SLC29A4: variants seen among roughly 807,000 people sequenced by gnomAD.
SLC29A4 encodes the protein equilibrative nucleoside transporter 4.
SLC29A4 carries 36 observed loss-of-function variants against 43.9 expected under a neutral mutation model. The observed-to-expected ratio is 0.82, with a 90% CI of 0.63 to 1.08. The LOEUF (loss-of-function observed/expected upper bound fraction) is 1.08, where lower values mean the gene tolerates loss of function less well. SLC29A4 is among the 50% of genes least tolerant of loss of function. The pLI is 0.00. For synonymous variants in SLC29A4, 491 were observed against 338.0 expected (o/e 1.45, Z -4.97); for missense variants, 869 against 755.3 (o/e 1.15, Z -1.77).
chr7:5,289,031 C>G (rs1785140829), intron 2 of SLC29A4, among the ~76,000 whole-genome samples: 1 of 152,174 alleles, frequency 6.6e-6, no homozygotes, highest in Admixed American at 6.5e-5. Context: ...GTCCCTGGCA[C>G]TCAGGAGGCA....
At chr7:5,297,598 C>T (rs113305157) in intron 7 of SLC29A4, among the ~76,000 whole-genome samples, 2,579 of 152,360 alleles carry the variant, frequency 0.017, 79 homozygotes, top group African/African-American at 0.059. Flanking sequence ...GTTGGAGAGT[C>T]CTCCTGCAGG....
chr7:5,294,772 G>A (rs1377780499), intron 5 of SLC29A4, 88 bp from the exon 6 acceptor site: 37 of 1,379,062 alleles, frequency 2.7e-5, no homozygotes, highest in Middle Eastern at 3.8e-4. Context: ...ACGCACCCTC[G>A]TCCACCAACA....
chr7:5,299,151 C>T (rs1282625441), intron 8 of SLC29A4, 25 bp downstream of exon 8: 6 of 1,602,148 alleles, frequency 3.7e-6, no homozygotes, highest in Non-Finnish European at 4.3e-6. Context: ...TCCTCTGCTG[C>T]CCTGGCTCTG....
intron 7 of SLC29A4, 61 bp from the exon 8 acceptor site, chr7:5,298,927 T>C: frequency 5.1e-6 from 8 of 1,560,890 alleles, no homozygotes; most frequent in Non-Finnish European, 6.9e-6. Flanking sequence ...CCTGGATTCC[T>C]GGCCCGTGTC....
At chr7:5,301,385 G>A (rs1352369889) in intron 10 of SLC29A4, among the ~76,000 whole-genome samples, 1 of 152,190 alleles carries the variant, frequency 6.6e-6, no homozygotes, top group African/African-American at 2.4e-5. Flanking sequence ...AGCCAGCAGT[G>A]TAAATGGAGC....
Position 5,287,939 on chromosome 7 carries a change from G to A in SLC29A4, c.123G>A (p.Gln41=), listed in dbSNP as rs1204714067. ...TGGAGGAGGCGGCGGAGGCGGCTCA[G>A]GGCCAGGGCCTTAGGGCCAGGGGCG... is the stretch of plus-strand genomic sequence containing the variant. The part of the protein sequence containing the change: ...HQLEEAAEAA[Q]GQGLRARGVP... The change falls in exon 2 of 11, where the codon CAG becomes CAA. Residue 41 remains glutamine, a synonymous_variant. Coordinates refer to ENST00000396872, the MANE Select transcript of SLC29A4 (RefSeq NM_153247.4). 2 of 1,611,420 alleles carry A rather than the reference G, an allele frequency of 1.2e-6. No homozygotes were observed. The highest frequency in any genetic ancestry group is 1.7e-6 in the Non-Finnish European group (2 of 1,179,658).
rs1278423299 is a variant in SLC29A4, at chr7:5,290,750, C to T, written c.188C>T (p.Pro63Leu). The T allele has an allele frequency of 1.2e-6, 2 of 1,612,752 alleles. No individual in the cohort carries two copies. Among genetic ancestry groups the T allele is most frequent in the East Asian group, 4.5e-5 (2 of 44,834 alleles). Residue 63 changes from proline (P) to leucine (L), a missense_variant, in exon 3 of 11, where the codon CCC (proline) becomes CTC (leucine). Physicochemically the swap from Pro to Leu is moderately conservative, Grantham distance 98. Coordinates refer to ENST00000396872, the MANE Select transcript of SLC29A4 (RefSeq NM_153247.4). ...GCTTTAGCATTGGACGAGCCAGTGC[C>T]CGATGACCGTTATCACGCCATCTAC... Reference protein sequence around the residue: ...FTDTTLDEPVPDDRYHAIYFA... With the variant: ...FTDTTLDEPVLDDRYHAIYFA...
chr7:5,301,409 C>T (rs1187324534), intron 10 of SLC29A4, among the ~76,000 whole-genome samples: 1 of 152,170 alleles, frequency 6.6e-6, no homozygotes, highest in East Asian at 1.9e-4. Flanking sequence ...CTGGGAAGAC[C>T]TCACTGAGGA....
intron 4 of SLC29A4, 80 bp downstream of exon 4, chr7:5,291,317 C>G (rs971029407): frequency 4.6e-6 from 6 of 1,297,308 alleles, no homozygotes; most frequent in Non-Finnish European, 6.5e-6. Flanking sequence ...CCCAGTTTCC[C>G]TGAGCCTCAC....
At chr7:5,286,554 T>C (rs1364929403) in intron 1 of SLC29A4, among the ~76,000 whole-genome samples, 2 of 149,762 alleles carry the variant, frequency 1.3e-5, no homozygotes, top group African/African-American at 4.9e-5. Flanking sequence ...AAAAAATCAT[T>C]TTAGGGGAAA....
At chr7:5,299,177 G>A in intron 8 of SLC29A4, 51 bp downstream of exon 8, 1 of 1,599,210 alleles carries the variant, frequency 6.3e-7, no homozygotes, top group Non-Finnish European at 8.5e-7. Flanking sequence ...CAGGCAGGGG[G>A]TGGGGGAGGC....
Position 5,299,056 on chromosome 7 carries a change from C to A in SLC29A4, c.951C>A (p.Gly317=). 1.2e-6 allele frequency: 2 copies of A among 1,611,926 alleles called. No homozygotes were observed. The highest frequency in any genetic ancestry group is 1.7e-6 in the Non-Finnish European group (2 of 1,179,768). The change falls in exon 8 of 11, where the codon GGC becomes GGA. Residue 317 remains glycine, a synonymous_variant. Coordinates refer to ENST00000396872, the MANE Select transcript of SLC29A4 (RefSeq NM_153247.4). ...ACAGCCCAGCCCACGAGGTGACCGG[C>A]AGCGGCGGGGCCTACATGCGCTTTG... The part of the protein sequence containing the change: ...PKDSPAHEVT[G]SGGAYMRFDV...
chr7:5,287,924 G>A lies in SLC29A4; in HGVS notation c.108G>A (p.Ala36=), dbSNP rs199555796. 1.7e-5 allele frequency: 27 copies of A among 1,611,862 alleles called. No individual in the cohort carries two copies. The highest frequency in any genetic ancestry group is 2.1e-4 in the Middle Eastern group (1 of 4,862). Residue 36 remains alanine (A), a synonymous_variant, in exon 2 of 11, where the codon GCG becomes GCA. Coordinates refer to ENST00000396872, the MANE Select transcript of SLC29A4 (RefSeq NM_153247.4). ...TCGACAGTCACCAGCTGGAGGAGGCGGCGGAGGCGGCTCAGGGCCAGGGCC... is the reference window on the plus strand; with the variant it reads ...TCGACAGTCACCAGCTGGAGGAGGCAGCGGAGGCGGCTCAGGGCCAGGGCC... The part of the protein sequence containing the change: ...FTFDSHQLEE[A]AEAAQGQGLR...
At chr7:5,289,451 G>T (rs1183262976) in intron 2 of SLC29A4, among the ~76,000 whole-genome samples, 4 of 152,118 alleles carry the variant, frequency 2.6e-5, no homozygotes, top group African/African-American at 7.2e-5. Context: ...AGCCAGGCAG[G>T]CAGTCAGGAA....
rs201266674 is a variant in SLC29A4, at chr7:5,300,673, C to A, written c.1450+11C>A. 6.9e-6 allele frequency: 11 copies of A among 1,604,116 alleles called. No individual in the cohort carries two copies. In the African/African-American group the frequency reaches 1.2e-4, roughly 18 times the overall value. On this transcript the variant is annotated intron_variant, in intron 10 of 10. Coordinates refer to ENST00000396872, the MANE Select transcript of SLC29A4 (RefSeq NM_153247.4). ...AGCGGGAGCTGGCAGGTGAGGCCCGCGGGACGTGGGGGTGGGGGCGTCCTC... is the reference window on the plus strand; with the variant it reads ...AGCGGGAGCTGGCAGGTGAGGCCCGAGGGACGTGGGGGTGGGGGCGTCCTC...
In SLC29A4 at chr7:5,297,224, T is replaced by C. The variant is rs558157014; in HGVS notation, c.882+26T>C. On this transcript the variant is annotated intron_variant, in intron 7 of 10. Coordinates refer to ENST00000396872, the MANE Select transcript of SLC29A4 (RefSeq NM_153247.4). ...GTAAGTGCGCACCGCCCACCTCTGT[T>C]CCCTTCTCTGTCCCCTTCTCTGTCC... 8.5e-4 allele frequency: 1,285 copies of C among 1,508,022 alleles called. 5 individuals carry two copies. In the African/African-American group the frequency reaches 0.014, roughly 17 times the overall value. 93.4% of individuals were successfully genotyped at this position (1,508,022 alleles called of 1,614,324 possible).
At chr7:5,284,475 A>G (rs1483959077) in intron 1 of SLC29A4, among the ~76,000 whole-genome samples, 3 of 152,198 alleles carry the variant, frequency 2.0e-5, no homozygotes, top group Non-Finnish European at 4.4e-5. Context: ...GTGTCTTCTC[A>G]AGGGCCCCCT....
At chr7:5,298,169 G>A (rs113974705) in intron 7 of SLC29A4, among the ~76,000 whole-genome samples, 6 of 152,138 alleles carry the variant, frequency 3.9e-5, no homozygotes, top group South Asian at 2.1e-4. Flanking sequence ...GGCTGGGGAC[G>A]CTGAAGTGAG....
chr7:5,287,230 T>TA (rs547557138), intron 1 of SLC29A4, among the ~76,000 whole-genome samples: 190 of 152,216 alleles, frequency 1.2e-3, no homozygotes, highest in African/African-American at 4.4e-3. Context: ...CTGGGCAATG[T>TA]AGTGAGACCC....
Sources: gnomAD v4.1 joint callset for allele counts (sites outside exome capture counted in the v4.1 genomes callset) on GRCh38, gnomAD v4.1.1 for gene constraint, MANE v1.5 for transcripts, NCBI Gene and HGNC (gene_info 2026-07-23, HGNC 2026-07-21) for gene names.